CNTNAP2: variants seen among roughly 807,000 people sequenced by gnomAD.
CNTNAP2 encodes the protein contactin associated protein 2, also known as contactin-associated protein-like 2.
In CNTNAP2, 98 loss-of-function variants were observed where a neutral mutation model predicts 155.2. The observed-to-expected ratio is 0.63, with a 90% CI of 0.54 to 0.75. The LOEUF (loss-of-function observed/expected upper bound fraction) is 0.75. CNTNAP2 is among the 30% of genes least tolerant of loss of function. CNTNAP2 has a pLI of 0.00. For synonymous variants in CNTNAP2, 651 were observed against 631.2 expected (o/e 1.03, Z -0.47); for missense variants, 1,727 against 1,688.1 (o/e 1.02, Z -0.40).
chr7:147,418,991 C>A (rs10500185), intron 10 of CNTNAP2, among the ~76,000 whole-genome samples: 28,184 of 152,110 alleles, frequency 0.19, 3,144 homozygotes, highest in Non-Finnish European at 0.25. Context: ...CATTATTAAA[C>A]GGACTCAGAA....
intron 8 of CNTNAP2, among the ~76,000 whole-genome samples, chr7:147,173,579 A>G (rs1455249804): frequency 6.6e-6 from 1 of 152,162 alleles, no homozygotes; most frequent in Non-Finnish European, 1.5e-5. Context: ...AAAAGGAAAA[A>G]CATTTTGTGT....
At chr7:146,292,286 T>C (rs968899988) in intron 1 of CNTNAP2, among the ~76,000 whole-genome samples, 4 of 152,174 alleles carry the variant, frequency 2.6e-5, no homozygotes, top group African/African-American at 9.6e-5. Context: ...TGATTCCCTG[T>C]TCCTGCATTA....
At chr7:148,182,658 G>T (rs2116705889) in intron 18 of CNTNAP2, among the ~76,000 whole-genome samples, 1 of 152,194 alleles carries the variant, frequency 6.6e-6, no homozygotes, top group East Asian at 1.9e-4. Context: ...AATTCCAACT[G>T]GTTACAAGAG....
intron 3 of CNTNAP2, among the ~76,000 whole-genome samples, chr7:146,842,264 A>C (rs2727632): frequency 0.52 from 79,209 of 151,804 alleles, 21,466 homozygotes; most frequent in South Asian, 0.73. Flanking sequence ...AACATCACAA[A>C]TTATGAAGAT....
At chr7:147,292,041 C>A (rs185825372) in intron 8 of CNTNAP2, among the ~76,000 whole-genome samples, 1 of 151,856 alleles carries the variant, frequency 6.6e-6, no homozygotes, top group Non-Finnish European at 1.5e-5. Flanking sequence ...TCTTTCTTGC[C>A]GTGGATTTTA....
intron 18 of CNTNAP2, among the ~76,000 whole-genome samples, chr7:148,212,549 G>T (rs1023931805): frequency 6.6e-6 from 1 of 152,074 alleles, no homozygotes; most frequent in Admixed American, 6.6e-5. Flanking sequence ...ATATCTGTTA[G>T]TATTGTCTAT....
intron 8 of CNTNAP2, among the ~76,000 whole-genome samples, chr7:147,223,210 C>T (rs1481788764): frequency 6.6e-6 from 1 of 152,174 alleles, no homozygotes; most frequent in Non-Finnish European, 1.5e-5. Context: ...TATACCCAAC[C>T]TGTGAAGAAG....
chr7:148,085,975 T>C (rs1803719397), intron 15 of CNTNAP2, among the ~76,000 whole-genome samples: 9 of 152,254 alleles, frequency 5.9e-5, no homozygotes, highest in Admixed American at 5.9e-4. Flanking sequence ...ACCTTTCTAT[T>C]GCATTTATTG....
At chr7:146,688,357 G>A (rs774365093) in intron 1 of CNTNAP2, among the ~76,000 whole-genome samples, 20 of 152,006 alleles carry the variant, frequency 1.3e-4, no homozygotes, top group Non-Finnish European at 2.2e-4. Flanking sequence ...CATGTGAAGC[G>A]ACCACCACAC....
chr7:146,902,787 G>A (rs1026654236), intron 3 of CNTNAP2, among the ~76,000 whole-genome samples: 3 of 152,238 alleles, frequency 2.0e-5, no homozygotes, highest in African/African-American at 7.2e-5. Flanking sequence ...GTAGCTGAGA[G>A]CATGTGGCTG....
At chr7:147,422,105 A>ATATATATATAGTATGTATATATACAG (rs1563198578) in intron 10 of CNTNAP2, among the ~76,000 whole-genome samples, 11 of 142,068 alleles carry the variant, frequency 7.7e-5, no homozygotes, top group African/African-American at 3.1e-4. Context: ...TATATACAGT[A>ATATATATATAGTATGTATATATACAG]TATATATATA....
At chr7:147,865,560 A>T in intron 13 of CNTNAP2, among the ~76,000 whole-genome samples, 1 of 152,054 alleles carries the variant, frequency 6.6e-6, no homozygotes, top group East Asian at 1.9e-4. Flanking sequence ...CTGGTTCTGG[A>T]CTTTTTTTGA....
intron 8 of CNTNAP2, among the ~76,000 whole-genome samples, chr7:147,270,280 A>G (rs1264162217): frequency 6.6e-6 from 1 of 152,188 alleles, no homozygotes; most frequent in Non-Finnish European, 1.5e-5. Flanking sequence ...ATGAGCTTCC[A>G]TTGTGAAATA....
chr7:146,651,806 T>A lies in CNTNAP2; in HGVS notation c.98-122465T>A, dbSNP rs147969021. On this transcript the variant is annotated intron_variant, in intron 1 of 23. Transcript: ENST00000361727. ...AGTGTGTCACCAATGCTATATATTA[T>A]TCTGAAATTTGTATGTGGGTTTTCA... Among the ~76,000 whole-genome samples the A allele has an allele frequency of 1.1e-4, 16 of 152,260 alleles. No homozygotes were observed. In the East Asian group the frequency reaches 2.7e-3, roughly 26 times the overall value.
intron 5 of CNTNAP2, among the ~76,000 whole-genome samples, chr7:147,120,196 TTAATAA>T (rs1452191782): frequency 2.0e-5 from 3 of 152,222 alleles, no homozygotes; most frequent in Admixed American, 6.5e-5. Context: ...CTATGTGGTC[TTAATAA>T]TAATTATAAC....
chr7:147,730,631 A>G (rs2116465378), intron 13 of CNTNAP2, among the ~76,000 whole-genome samples: 1 of 152,170 alleles, frequency 6.6e-6, no homozygotes, highest in South Asian at 2.1e-4. Flanking sequence ...CCAAAGACAC[A>G]ATACTGAACT....
At chr7:147,293,102 A>C (rs1259386440) in intron 8 of CNTNAP2, among the ~76,000 whole-genome samples, 1 of 152,136 alleles carries the variant, frequency 6.6e-6, no homozygotes, top group Admixed American at 6.5e-5. Flanking sequence ...CATCCAAAAA[A>C]TGTCATGACA....
At chr7:147,641,206 AAATAATTTCTT>A (rs1192814643) in intron 13 of CNTNAP2, among the ~76,000 whole-genome samples, 9 of 149,390 alleles carry the variant, frequency 6.0e-5, no homozygotes, top group Non-Finnish European at 1.0e-4. Flanking sequence ...TATGTGTCTA[AAATAATTTCTT>A]AATAATTTCT....
chr7:148,391,830 GTC>G (rs1036144064), intron 22 of CNTNAP2, among the ~76,000 whole-genome samples: 1 of 152,146 alleles, frequency 6.6e-6, no homozygotes, highest in Non-Finnish European at 1.5e-5. Context: ...AAATCCAAGA[GTC>G]TGATCCCATA....
Sources: allele counts gnomAD v4.1 joint callset (sites outside exome capture counted in the v4.1 genomes callset), GRCh38; gene constraint gnomAD v4.1.1; transcripts MANE v1.5; gene names NCBI Gene and HGNC (gene_info 2026-07-23, HGNC 2026-07-21).